The following SMARCAD1 variants were observed in gnomAD, a reference collection of about 807,000 sequenced individuals.
The protein encoded by SMARCAD1 is SNF2 related chromatin remodeling ATPase with DExD box 1, also known as SWI/SNF-related matrix-associated actin-dependent regulator of chromatin subfamily A containing DEAD/H box 1.
In SMARCAD1, 25 loss-of-function variants were observed where a neutral mutation model predicts 127.1. The observed-to-expected ratio is 0.20, with a 90% CI of 0.14 to 0.27. The LOEUF is 0.27. Among genes scored for constraint, SMARCAD1 ranks in the 10% least tolerant of loss-of-function variants. The pLI is 1.00. For missense variants in SMARCAD1, 807 were observed against 1,206.0 expected (o/e 0.67, Z 4.90); for synonymous variants, 400 against 396.9 (o/e 1.01, Z -0.09).
chr4:94,269,076 A>G (rs1359361246), intron 10 of SMARCAD1, among the ~76,000 whole-genome samples: 2 of 152,202 alleles, frequency 1.3e-5, no homozygotes, highest in Non-Finnish European at 2.9e-5. Flanking sequence ...AAAAGGCAGA[A>G]TTAGAAATAC....
intron 2 of SMARCAD1, among the ~76,000 whole-genome samples, chr4:94,217,337 G>C (rs1359795885): frequency 6.6e-6 from 1 of 151,866 alleles, no homozygotes; most frequent in Non-Finnish European, 1.5e-5. Flanking sequence ...TCCCATGTTT[G>C]TTTGCATCTT....
intron 11 of SMARCAD1, among the ~76,000 whole-genome samples, chr4:94,273,197 T>G (rs776167282): frequency 2.6e-5 from 4 of 152,216 alleles, no homozygotes; most frequent in African/African-American, 9.6e-5. Flanking sequence ...TCATATCTCA[T>G]GATTATATTC....
At chr4:94,253,537 A>G in intron 9 of SMARCAD1, 1 of 1,113,064 alleles carries the variant, frequency 9.0e-7, no homozygotes, top group Non-Finnish European at 1.1e-6. Flanking sequence ...CTCAGTCTCT[A>G]ACATGTTTTT....
chr4:94,208,582 C>T lies in SMARCAD1; in HGVS notation c.188C>T (p.Thr63Ile), dbSNP rs1318754577. 3 of 1,613,628 alleles carry T rather than the reference C, an allele frequency of 1.9e-6. No individual in the cohort carries two copies. Among genetic ancestry groups the T allele is most frequent in the Non-Finnish European group, 2.5e-6 (3 of 1,179,596 alleles). ...NTPDSDITEKTEDSSVPETPD... is the reference protein window; with the variant it reads ...NTPDSDITEKIEDSSVPETPD... ...CCTGATTCAGATATAACTGAAAAAA[C>T]AGGTGAGTTACAATGTTAAAATTGA... Residue 63 changes from threonine (T) to isoleucine (I), a missense_variant and splice_region_variant, in exon 2 of 24, where the codon ACA becomes ATA. Coordinates refer to ENST00000354268, the MANE Select transcript of SMARCAD1 (RefSeq NM_020159.5).
chr4:94,290,227 G>C lies in SMARCAD1; in HGVS notation c.*693G>C, dbSNP rs941996664. The C allele has an allele frequency of 3.5e-4, 158 of 454,354 alleles. No homozygotes were observed. The Admixed American group carries it at 3.6e-3, about 10-fold the overall frequency. The allele number at this position is 454,354 out of a possible 1,614,324, so 28.1% of individuals were successfully genotyped here. A position where few individuals can be genotyped will look rare whatever the true frequency, so the allele number is the denominator to read the frequency against. ...CTTGCTCCATGGATTAATTCCTTCT[G>C]TTCATTTTCCAACTGCACTAATTGT... On this transcript the variant is annotated 3_prime_UTR_variant, in exon 24 of 24. Transcript: ENST00000354268.
intron 9 of SMARCAD1, among the ~76,000 whole-genome samples, chr4:94,261,566 C>T (rs957502429): frequency 5.9e-5 from 9 of 152,032 alleles, no homozygotes; most frequent in South Asian, 4.1e-4. Context: ...AATTATTTAC[C>T]ATGTGGTGTA....
At chr4:94,276,530 T>G in intron 15 of SMARCAD1, 56 bp downstream of exon 15, 1 of 1,574,018 alleles carries the variant, frequency 6.4e-7, no homozygotes. Context: ...ATTACGTAAT[T>G]TAATATATGT....
Position 94,247,169 on chromosome 4 carries a change from A to G in SMARCAD1, c.706-2485A>G, listed in dbSNP as rs749688175. On this transcript the variant is annotated intron_variant, in intron 6 of 23. Coordinates refer to ENST00000354268, the MANE Select transcript of SMARCAD1 (RefSeq NM_020159.5). ...TAGGGACTTGGATTTGGTGTTTCCTATAATAGTAGCCCATACATCATGGGT... is the reference window on the plus strand; with the variant it reads ...TAGGGACTTGGATTTGGTGTTTCCTGTAATAGTAGCCCATACATCATGGGT... 5.3e-5 allele frequency among the ~76,000 whole-genome samples: 8 copies of G among 152,200 alleles called. 1 individual carries two copies. Among genetic ancestry groups the G allele is most frequent in the Admixed American group, 5.2e-4 (8 of 15,288 alleles).
In SMARCAD1 at chr4:94,252,671, A is replaced by T. The variant is rs772793881; in HGVS notation, c.945A>T (p.Arg315Ser). The change falls in exon 9 of 24, where the codon AGA (arginine) becomes AGT (serine). Residue 315 changes from arginine (R) to serine (S), a missense_variant. Around this residue, in one of 8 missense-constraint regions of SMARCAD1, gnomAD observed 257 missense variants for 303.4 expected, o/e 0.85. Transcript: ENST00000354268. ...EVPNGKEVSSRSQNYPKNATK... is the reference protein window; with the variant it reads ...EVPNGKEVSSSSQNYPKNATK... The stretch of plus-strand genomic sequence containing the variant: ...CAAATGGAAAAGAAGTTTCTTCAAG[A>T]AGTCAAAATTACCCTAAAAATGCAA... 6.3e-7 allele frequency: 1 copy of T among 1,579,076 alleles called. No individual in the cohort carries two copies. Among genetic ancestry groups the T allele is most frequent in the Non-Finnish European group, 8.6e-7 (1 of 1,166,058 alleles).
Position 94,208,406 on chromosome 4 carries a change from C to A in SMARCAD1, c.12C>A (p.Phe4Leu), listed in dbSNP as rs1741607016. ...TGCTTTCTACCAATATGAATCTTTT[C>A]AACCTGGACCGTTTTCGCTTTGAGA... is the stretch of plus-strand genomic sequence containing the variant. MNL[F>L]NLDRFRFEKR... Residue 4 changes from phenylalanine (F) to leucine (L), a missense_variant, in exon 2 of 24, where the codon TTC becomes TTA. Phe to Leu is a conservative substitution (Grantham distance 22). Transcript: ENST00000354268. The A allele has an allele frequency of 6.2e-7, 1 of 1,614,030 alleles. No homozygotes were observed. The highest frequency in any genetic ancestry group is 1.7e-4 in the Middle Eastern group (1 of 6,042).
chr4:94,244,423 A>C (rs1323731535), intron 6 of SMARCAD1, among the ~76,000 whole-genome samples: 1 of 152,232 alleles, frequency 6.6e-6, no homozygotes, highest in Non-Finnish European at 1.5e-5. Flanking sequence ...GCAGCTGTGC[A>C]TGGTGTTAAA....
At chr4:94,276,242 T>A in intron 14 of SMARCAD1, 97 bp from the exon 15 acceptor site, 1 of 1,318,300 alleles carries the variant, frequency 7.6e-7, no homozygotes, top group Non-Finnish European at 1.1e-6. Flanking sequence ...CTGTTAGAAA[T>A]GTGTAAATAA....
intron 6 of SMARCAD1, 96 bp from the exon 7 acceptor site, chr4:94,249,558 A>G: frequency 2.7e-6 from 2 of 741,994 alleles, no homozygotes. Context: ...TGATGATGAT[A>G]ATTTTCAGAT....
intron 9 of SMARCAD1, chr4:94,253,457 C>T (rs1749588280): frequency 1.7e-6 from 2 of 1,179,890 alleles, no homozygotes; most frequent in Non-Finnish European, 2.1e-6. Context: ...AAAATGCCAG[C>T]CTAAGTGTTT....
chr4:94,240,078 CATGTATGT>C (rs142933241), intron 5 of SMARCAD1, among the ~76,000 whole-genome samples: 1,910 of 152,172 alleles, frequency 0.013, 41 homozygotes, highest in African/African-American at 0.044. Flanking sequence ...TTTAAGCTGA[CATGTATGT>C]ATGTATTTGA....
intron 9 of SMARCAD1, among the ~76,000 whole-genome samples, chr4:94,254,520 A>G (rs1749760268): frequency 6.6e-6 from 1 of 152,160 alleles, no homozygotes; most frequent in Non-Finnish European, 1.5e-5. Flanking sequence ...ATATTCAGCA[A>G]CTTAACATGT....
At chr4:94,239,028 C>G (rs1747151192) in intron 5 of SMARCAD1, among the ~76,000 whole-genome samples, 1 of 151,900 alleles carries the variant, frequency 6.6e-6, no homozygotes, top group Non-Finnish European at 1.5e-5. Context: ...CAGATTATTT[C>G]AATTAAAAAA....
At chr4:94,285,729 CAG>C (rs1169900154) in intron 23 of SMARCAD1, among the ~76,000 whole-genome samples, 3 of 152,090 alleles carry the variant, frequency 2.0e-5, no homozygotes, top group Admixed American at 6.5e-5. Context: ...GCATTTATTT[CAG>C]GGTGCTGTGG....
At chr4:94,215,869 AT>A (rs1743089424) in intron 2 of SMARCAD1, among the ~76,000 whole-genome samples, 1 of 151,674 alleles carries the variant, frequency 6.6e-6, no homozygotes, top group Non-Finnish European at 1.5e-5. Context: ...AGCCATTTGG[AT>A]TTTTTGTGTT....
Sources: gnomAD v4.1 joint callset for allele counts (sites outside exome capture counted in the v4.1 genomes callset) on GRCh38, gnomAD v4.1.1 for gene constraint, gnomAD v4.1.1 regional missense constraint, MANE v1.5 for transcripts, NCBI Gene and HGNC (gene_info 2026-07-23, HGNC 2026-07-21) for gene names.